Variants in COX16 observed in about 807,000 individuals in gnomAD.
COX16 encodes the protein cytochrome c oxidase assembly protein COX16 homolog, mitochondrial.
In COX16, 12 loss-of-function variants were observed where a neutral mutation model predicts 15.4. That is an observed-to-expected ratio of 0.78 (90% CI 0.50 to 1.26). The LOEUF (loss-of-function observed/expected upper bound fraction) is 1.26. Among genes scored for constraint, COX16 ranks in the 50% most tolerant of loss-of-function variants. The pLI, the probability that COX16 is intolerant of heterozygous loss-of-function variation, is 0.00. For missense variants in COX16, 124 were observed against 127.6 expected (o/e 0.97, Z 0.14); for synonymous variants, 46 against 41.1 (o/e 1.12, Z -0.46).
chr14:70,338,743 T>A (rs1280232133), intron 2 of COX16, among the ~76,000 whole-genome samples: 1 of 152,176 alleles, frequency 6.6e-6, no homozygotes, highest in Non-Finnish European at 1.5e-5. Flanking sequence ...TTAGACTGAG[T>A]ATAGTGTTGT....
chr14:70,330,694 G>C (rs1368847572), intron 2 of COX16, among the ~76,000 whole-genome samples: 1 of 152,176 alleles, frequency 6.6e-6, no homozygotes, highest in East Asian at 1.9e-4. Context: ...TAATGCGACA[G>C]AACAGAGAAT....
intron 1 of COX16, 65 bp from the exon 2 acceptor site, chr14:70,342,794 T>C (rs1031090618): frequency 2.6e-6 from 4 of 1,561,884 alleles, no homozygotes; most frequent in African/African-American, 2.8e-5. Flanking sequence ...AGCCTATCTA[T>C]AGATTGCTTT....
chr14:70,329,670 C>T (rs935664699), intron 2 of COX16, among the ~76,000 whole-genome samples: 1 of 142,596 alleles, frequency 7.0e-6, no homozygotes, highest in Non-Finnish European at 1.5e-5. Context: ...TATAATGCTG[C>T]ACTTGAAAAC....
At chr14:70,344,322 A>C (rs888059863) in intron 1 of COX16, among the ~76,000 whole-genome samples, 1 of 152,202 alleles carries the variant, frequency 6.6e-6, no homozygotes, top group African/African-American at 2.4e-5. Context: ...TCTTTTTGGG[A>C]AAGGGCTATT....
intron 2 of COX16, among the ~76,000 whole-genome samples, chr14:70,332,025 C>T (rs1205839821): frequency 6.6e-6 from 1 of 152,204 alleles, no homozygotes; most frequent in Non-Finnish European, 1.5e-5. Context: ...GAGCTTGCTT[C>T]TAAGTTCAAG....
Position 70,359,376 on chromosome 14 carries a change from G to A in COX16, c.69+143C>T, listed in dbSNP as rs1887229416. The A allele has an allele frequency of 1.5e-5, 11 of 736,084 alleles. No individual in the cohort carries two copies. The East Asian group carries it at 1.6e-4, about 11-fold the overall frequency. The allele number at this position is 736,084 out of a possible 1,614,324, so 45.6% of individuals were successfully genotyped here. A position where few individuals can be genotyped will look rare whatever the true frequency, so the allele number is the denominator to read the frequency against. Reference sequence around the variant, plus strand: ...AAAAGACTGGTGGAAGAGCTTTTAGGAAAGCTCTCACCCCGTCGCTAGCTC... The same window carrying A: ...AAAAGACTGGTGGAAGAGCTTTTAGAAAAGCTCTCACCCCGTCGCTAGCTC... On this transcript the variant is annotated intron_variant, in intron 1 of 3. Coordinates refer to ENST00000389912, the MANE Select transcript of COX16 (RefSeq NM_016468.7).
At chr14:70,328,026 C>A (rs1203590986) in intron 3 of COX16, 1 of 149,106 alleles carries the variant, frequency 6.7e-6, no homozygotes, top group Non-Finnish European at 1.5e-5. Flanking sequence ...ACCTAAGACA[C>A]CAAAAGGACT....
intron 2 of COX16, among the ~76,000 whole-genome samples, chr14:70,335,846 A>C (rs921957762): frequency 6.6e-6 from 1 of 152,222 alleles, no homozygotes; most frequent in Admixed American, 6.5e-5. Context: ...GAATAAAAGA[A>C]GTCAGCACAA....
intron 3 of COX16, among the ~76,000 whole-genome samples, chr14:70,326,766 G>A (rs550180573): frequency 2.0e-5 from 3 of 152,282 alleles, no homozygotes; most frequent in African/African-American, 7.2e-5. Context: ...GTACAAATCT[G>A]AAGGCTGATC....
intron 1 of COX16, among the ~76,000 whole-genome samples, chr14:70,355,624 T>A (rs1395565956): frequency 6.6e-6 from 1 of 152,192 alleles, no homozygotes; most frequent in Non-Finnish European, 1.5e-5. Flanking sequence ...AAGTTAAACA[T>A]GACGACATCC....
chr14:70,341,302 C>T (rs990671264), intron 2 of COX16, among the ~76,000 whole-genome samples: 5 of 152,054 alleles, frequency 3.3e-5, no homozygotes, highest in Non-Finnish European at 7.4e-5. Flanking sequence ...AAAATTTACC[C>T]TAATACCTAC....
At chr14:70,347,011 C>A (rs1032399632) in intron 1 of COX16, among the ~76,000 whole-genome samples, 1 of 152,190 alleles carries the variant, frequency 6.6e-6, no homozygotes, top group African/African-American at 2.4e-5. Context: ...TACCTTATCC[C>A]CCATCCGTAG....
At chr14:70,344,227 G>A (rs536432524) in intron 1 of COX16, among the ~76,000 whole-genome samples, 1 of 152,250 alleles carries the variant, frequency 6.6e-6, no homozygotes, top group Admixed American at 6.5e-5. Context: ...GCCAGAGGCT[G>A]CATGACCCAT....
intron 2 of COX16, among the ~76,000 whole-genome samples, chr14:70,329,912 T>C (rs1018759414): frequency 6.6e-6 from 1 of 151,892 alleles, no homozygotes; most frequent in African/African-American, 2.4e-5. Context: ...TTCACTGGAA[T>C]AATGCATGAA....
chr14:70,342,033 A>G (rs952057843), intron 2 of COX16, among the ~76,000 whole-genome samples: 4 of 152,242 alleles, frequency 2.6e-5, no homozygotes, highest in African/African-American at 9.6e-5. Flanking sequence ...AGAGAAATAA[A>G]ATAAAGCAAA....
intron 2 of COX16, among the ~76,000 whole-genome samples, chr14:70,335,603 TA>T (rs58611844): frequency 3.2e-3 from 444 of 136,734 alleles, no homozygotes; most frequent in African/African-American, 4.3e-3. Context: ...ACCAAAGAGT[TA>T]AAAAAAAAAA....
rs542161527 is a variant in COX16, at chr14:70,349,995, T to C, written c.70-7266A>G. Among the ~76,000 whole-genome samples the C allele has an allele frequency of 3.9e-5, 6 of 152,264 alleles. No homozygotes were observed. In the East Asian group the frequency reaches 1.2e-3, roughly 29 times the overall value. ...TCAAGAATACCCAAAAAATTAAGGTTTTCTTTTTCCAAGGTGCCCACGCCA... is the reference window on the plus strand; with the variant it reads ...TCAAGAATACCCAAAAAATTAAGGTCTTCTTTTTCCAAGGTGCCCACGCCA... On this transcript the variant is annotated intron_variant, in intron 1 of 3. Transcript: ENST00000389912.
intron 2 of COX16, among the ~76,000 whole-genome samples, chr14:70,330,102 A>G (rs1162164551): frequency 1.3e-5 from 2 of 152,258 alleles, no homozygotes; most frequent in South Asian, 4.1e-4. Flanking sequence ...AGAACATCAT[A>G]AGAAATAAGC....
chr14:70,331,950 C>T (rs146134000), intron 2 of COX16, among the ~76,000 whole-genome samples: 243 of 152,276 alleles, frequency 1.6e-3, no homozygotes, highest in African/African-American at 5.7e-3. Context: ...TTGTCAAACC[C>T]TGATGGAGCC....
Sources: gnomAD v4.1 joint callset for allele counts (sites outside exome capture counted in the v4.1 genomes callset) on GRCh38, gnomAD v4.1.1 for gene constraint, MANE v1.5 for transcripts, NCBI Gene and HGNC (gene_info 2026-07-23, HGNC 2026-07-21) for gene names.